TYW1B: variants seen among roughly 807,000 people sequenced by gnomAD.
The protein encoded by TYW1B is tRNA-yW synthesizing protein 1 homolog B, also known as S-adenosyl-L-methionine-dependent tRNA 4-demethylwyosine synthase TYW1B.
A neutral mutation model predicts 86.9 loss-of-function variants in TYW1B; 73 were observed. That is an observed-to-expected ratio of 0.84 (90% CI 0.70 to 1.02). The LOEUF is 1.02. Ranked by LOEUF, TYW1B falls within the 50% of genes least tolerant of loss-of-function variation. The probability of loss-of-function intolerance (pLI) is 0.00; values close to 1 mark genes in which losing one functional copy is unlikely to be tolerated. For synonymous variants in TYW1B, 248 were observed against 292.8 expected (o/e 0.85, Z 1.56); for missense variants, 637 against 827.4 (o/e 0.77, Z 2.82).
In TYW1B at chr7:72,627,514, A is replaced by AC. The variant is rs61184333; in HGVS notation, c.1617+1372_1617+1373insG. 7.2e-3 allele frequency among the ~76,000 whole-genome samples: 1,019 copies of AC among 141,768 alleles called. 3 individuals carry two copies. Among genetic ancestry groups the AC allele is most frequent in the African/African-American group, 0.026 (942 of 36,170 alleles). The allele number at this position is 141,768 out of a possible 152,430, so 93.0% of individuals were successfully genotyped here. On this transcript the variant is annotated intron_variant, in intron 12 of 13. Coordinates refer to ENST00000620995, the MANE Select transcript of TYW1B (RefSeq NM_001145440.3). ...ACATAACATAACATAACATAACATA[A>AC]ATAAAATAAAATAAAATAAAATGTC...
intron 7 of TYW1B, among the ~76,000 whole-genome samples, chr7:72,773,568 T>C (rs1554470014): frequency 1.3e-5 from 2 of 152,082 alleles, no homozygotes; most frequent in Non-Finnish European, 2.9e-5. Context: ...GTGGCTACAG[T>C]TTGCAGGATT....
intron 7 of TYW1B, among the ~76,000 whole-genome samples, chr7:72,761,369 G>A (rs1481805193): frequency 6.6e-6 from 1 of 152,034 alleles, no homozygotes; most frequent in Non-Finnish European, 1.5e-5. Context: ...TATATAAAAT[G>A]TGCCTAAAAT....
chr7:72,633,975 T>C (rs1162207829), intron 11 of TYW1B, among the ~76,000 whole-genome samples: 3 of 152,138 alleles, frequency 2.0e-5, no homozygotes, highest in Non-Finnish European at 4.4e-5. Context: ...GTTTGCAAGA[T>C]TCATTCATGC....
At chr7:72,798,099 T>A (rs1347184801) in intron 6 of TYW1B, among the ~76,000 whole-genome samples, 2 of 152,206 alleles carry the variant, frequency 1.3e-5, no homozygotes, top group African/African-American at 2.4e-5. Context: ...CACATTTTTT[T>A]AAATCTTAAG....
chr7:72,693,753 A>G (rs1331597626), intron 11 of TYW1B, among the ~76,000 whole-genome samples: 1 of 152,078 alleles, frequency 6.6e-6, no homozygotes, highest in Non-Finnish European at 1.5e-5. Context: ...TGTGGGCTCC[A>G]TTTCCACACA....
intron 9 of TYW1B, chr7:72,723,007 C>G (rs34504766): frequency 1.1e-4 from 74 of 702,930 alleles, no homozygotes; most frequent in African/African-American, 8.4e-4. Context: ...GGAATGGACA[C>G]GGCCGCCACC....
chr7:72,766,641 A>G (rs1315273070), intron 7 of TYW1B, among the ~76,000 whole-genome samples: 1 of 134,710 alleles, frequency 7.4e-6, no homozygotes, highest in African/African-American at 2.8e-5. Context: ...AAACATAACT[A>G]CAGGGCCAGG....
rs1484654835 is a variant in TYW1B, at chr7:72,671,456, C to A, written c.1506+23231G>T. Among the ~76,000 whole-genome samples, 13 of 152,040 alleles carry A rather than the reference C, an allele frequency of 8.6e-5. No homozygotes were observed. In the East Asian group the frequency reaches 2.3e-3, roughly 27 times the overall value. On this transcript the variant is annotated intron_variant, in intron 11 of 13. Coordinates refer to ENST00000620995, the MANE Select transcript of TYW1B (RefSeq NM_001145440.3). ...AATGAATAATCTTGTATATATTTTTCTTCACATGAATGTATGTCTCAGGGT... is the reference window on the plus strand; with the variant it reads ...AATGAATAATCTTGTATATATTTTTATTCACATGAATGTATGTCTCAGGGT...
intron 7 of TYW1B, among the ~76,000 whole-genome samples, chr7:72,766,908 C>T (rs2129571809): frequency 6.6e-6 from 1 of 152,192 alleles, no homozygotes; most frequent in Non-Finnish European, 1.5e-5. Flanking sequence ...GCCTGGGTGA[C>T]AGAACAAGAC....
intron 7 of TYW1B, among the ~76,000 whole-genome samples, chr7:72,777,075 T>C (rs1585976015): frequency 6.6e-6 from 1 of 152,218 alleles, no homozygotes; most frequent in East Asian, 1.9e-4. Context: ...ACCACAAAAA[T>C]CCAGATACGA....
intron 6 of TYW1B, among the ~76,000 whole-genome samples, chr7:72,791,923 C>G (rs1554473569): frequency 6.6e-6 from 1 of 152,132 alleles, no homozygotes; most frequent in Non-Finnish European, 1.5e-5. Flanking sequence ...AAATTATCAA[C>G]CTGAGGATGG....
intron 9 of TYW1B, among the ~76,000 whole-genome samples, chr7:72,715,150 G>A (rs1259254321): frequency 2.6e-5 from 4 of 152,002 alleles, no homozygotes; most frequent in Admixed American, 6.6e-5. Flanking sequence ...TCAACTAAAC[G>A]CCAATCTCTG....
intron 12 of TYW1B, among the ~76,000 whole-genome samples, chr7:72,625,000 A>C (rs577913726): frequency 6.6e-6 from 1 of 151,856 alleles, no homozygotes; most frequent in African/African-American, 2.4e-5. Context: ...CGGAGGTTGC[A>C]GTGAACCGAG....
chr7:72,782,870 CAAAGAAAAGAA>C (rs1366369512), intron 6 of TYW1B, among the ~76,000 whole-genome samples: 1 of 151,956 alleles, frequency 6.6e-6, no homozygotes, highest in Non-Finnish European at 1.5e-5. Context: ...GACTCTGTCT[CAAAGAAAAGAA>C]AAAGAAAAGA....
intron 13 of TYW1B, among the ~76,000 whole-genome samples, chr7:72,606,607 G>GCC (rs782240914): frequency 2.3e-4 from 13 of 56,934 alleles, no homozygotes; most frequent in South Asian, 7.7e-4. Context: ...CAGCAATAAG[G>GCC]CCCCCCCCCC....
intron 8 of TYW1B, among the ~76,000 whole-genome samples, chr7:72,740,632 C>A (rs1585945634): frequency 1.3e-5 from 2 of 151,098 alleles, no homozygotes; most frequent in Admixed American, 1.3e-4. Flanking sequence ...ACTCACTAAA[C>A]AAACAAAACC....
intron 13 of TYW1B, among the ~76,000 whole-genome samples, chr7:72,585,089 T>C (rs1342889922): frequency 6.6e-6 from 1 of 152,226 alleles, no homozygotes; most frequent in Non-Finnish European, 1.5e-5. Context: ...AAGAACTGAC[T>C]TCCCATCGGT....
chr7:72,681,669 A>G (rs1269612790), intron 11 of TYW1B, among the ~76,000 whole-genome samples: 1 of 138,690 alleles, frequency 7.2e-6, no homozygotes, highest in Non-Finnish European at 1.5e-5. Flanking sequence ...ATCCCCACTC[A>G]CTGCAAGCTC....
At chr7:72,601,810 G>T (rs1324532573) in intron 13 of TYW1B, among the ~76,000 whole-genome samples, 2 of 148,566 alleles carry the variant, frequency 1.3e-5, no homozygotes, top group Non-Finnish European at 3.0e-5. Flanking sequence ...AAACTACATA[G>T]TATATACTTC....
Sources: allele counts gnomAD v4.1 joint callset (sites outside exome capture counted in the v4.1 genomes callset), GRCh38; gene constraint gnomAD v4.1.1; transcripts MANE v1.5; gene names NCBI Gene and HGNC (gene_info 2026-07-23, HGNC 2026-07-21).